MSL2: variants seen among roughly 807,000 people sequenced by gnomAD.
MSL2 encodes the protein MSL complex subunit 2.
Under a neutral mutation model 35.8 loss-of-function variants are expected in MSL2, and 2 were observed. That is an observed-to-expected ratio of 0.06 (90% CI 0.02 to 0.18). The LOEUF (loss-of-function observed/expected upper bound fraction) is 0.18. MSL2 is among the 10% of genes least tolerant of loss of function. MSL2 has a pLI of 1.00. For missense variants in MSL2, 523 were observed against 706.7 expected (o/e 0.74, Z 2.95); for synonymous variants, 296 against 255.7 (o/e 1.16, Z -1.50).
At chr3:136,157,352 C>G (rs890232650) in intron 1 of MSL2, among the ~76,000 whole-genome samples, 1 of 152,078 alleles carries the variant, frequency 6.6e-6, no homozygotes, top group African/African-American at 2.4e-5. Context: ...ACTAAAAATA[C>G]AAAAATTATC....
At chr3:136,156,720 T>C (rs1322620429) in intron 1 of MSL2, among the ~76,000 whole-genome samples, 1 of 152,102 alleles carries the variant, frequency 6.6e-6, no homozygotes, top group African/African-American at 2.4e-5. Context: ...CCGGGCGTGG[T>C]GGCAGCCGCC....
At chr3:136,156,538 T>C (rs770534328) in intron 1 of MSL2, among the ~76,000 whole-genome samples, 8 of 152,166 alleles carry the variant, frequency 5.3e-5, no homozygotes, top group Non-Finnish European at 8.8e-5. Context: ...GAAAAAAAAT[T>C]ATGCCTCAAT....
chr3:136,179,352 T>C (rs1386413297), intron 1 of MSL2, among the ~76,000 whole-genome samples: 2 of 152,126 alleles, frequency 1.3e-5, no homozygotes, highest in Non-Finnish European at 1.5e-5. Flanking sequence ...ATCCTTAATG[T>C]TTTATTTTCT....
chr3:136,169,252 G>GGGGGGGGGGT (rs1939947347), intron 1 of MSL2, among the ~76,000 whole-genome samples: 1 of 35,012 alleles, frequency 2.9e-5, no homozygotes, highest in Non-Finnish European at 6.0e-5. Context: ...GGGGGGGGGG[G>GGGGGGGGGGT]TGCTTATTTT....
chr3:136,195,383 G>C lies in MSL2; in HGVS notation c.-270C>G, dbSNP rs1428831157. ...TTCGAGTTCGTCCGGAGCGACCACA[G>C]AGCGCAGAACGCGGCGGCTTGGGCG... On this transcript the variant is annotated 5_prime_UTR_variant, in exon 1 of 2. Coordinates refer to ENST00000309993, the MANE Select transcript of MSL2 (RefSeq NM_018133.4). 2.5e-6 allele frequency: 3 copies of C among 1,199,322 alleles called. No individual in the cohort carries two copies. The highest frequency in any genetic ancestry group is 9.6e-5 in the East Asian group (2 of 20,750). 74.3% of individuals were successfully genotyped at this position (1,199,322 alleles called of 1,614,324 possible). A position where few individuals can be genotyped will look rare whatever the true frequency, so the allele number is the denominator to read the frequency against.
intron 1 of MSL2, among the ~76,000 whole-genome samples, chr3:136,171,105 T>C (rs919357308): frequency 6.6e-6 from 1 of 152,218 alleles, no homozygotes; most frequent in Non-Finnish European, 1.5e-5. Context: ...TACCTGGGTA[T>C]GTCTCACAAA....
At chr3:136,184,206 G>A (rs1576373886) in intron 1 of MSL2, among the ~76,000 whole-genome samples, 1 of 152,270 alleles carries the variant, frequency 6.6e-6, no homozygotes, top group African/African-American at 2.4e-5. Flanking sequence ...TGAGGCAGGA[G>A]AATTGCTCGA....
chr3:136,166,832 C>T (rs1490572038), intron 1 of MSL2, among the ~76,000 whole-genome samples: 4 of 152,120 alleles, frequency 2.6e-5, no homozygotes, highest in Non-Finnish European at 5.9e-5. Flanking sequence ...ATAGTTGATC[C>T]CAGTTTTCAA....
At chr3:136,190,246 T>C (rs556404015) in intron 1 of MSL2, among the ~76,000 whole-genome samples, 164 of 152,258 alleles carry the variant, frequency 1.1e-3, no homozygotes, top group Non-Finnish European at 1.9e-3. Context: ...CTTTCTATCT[T>C]AGCATCTAGA....
chr3:136,170,301 C>T (rs1281639040), intron 1 of MSL2, among the ~76,000 whole-genome samples: 2 of 145,404 alleles, frequency 1.4e-5, no homozygotes, highest in Non-Finnish European at 3.0e-5. Flanking sequence ...TACAGTGAGC[C>T]GACATCACAC....
chr3:136,173,368 C>CA (rs1940083793), intron 1 of MSL2, among the ~76,000 whole-genome samples: 1 of 152,114 alleles, frequency 6.6e-6, no homozygotes, highest in African/African-American at 2.4e-5. Context: ...ACAGGTAATT[C>CA]AAGCTTAACA....
intron 1 of MSL2, among the ~76,000 whole-genome samples, chr3:136,177,857 A>T (rs1011317764): frequency 1.3e-5 from 2 of 152,196 alleles, no homozygotes; most frequent in African/African-American, 2.4e-5. Context: ...GTGAAGAAAA[A>T]GAACAGTTAA....
chr3:136,181,912 C>A (rs1317882610), intron 1 of MSL2, among the ~76,000 whole-genome samples: 1 of 138,906 alleles, frequency 7.2e-6, no homozygotes, highest in South Asian at 2.4e-4. Context: ...GAGTGAGACT[C>A]TGTCTCAAAA....
In MSL2 at chr3:136,150,556, A is replaced by C. The variant is rs1169616321; in HGVS notation, c.*591T>G. On this transcript the variant is annotated 3_prime_UTR_variant, in exon 2 of 2. Transcript: ENST00000309993. Reference sequence around the variant, plus strand: ...ATTTTACTTTTTAAAAAGATTTCTTAAACATTCTAATGAGGGGGAATTTTT... The same window carrying C: ...ATTTTACTTTTTAAAAAGATTTCTTCAACATTCTAATGAGGGGGAATTTTT... 2 of 152,740 alleles carry C rather than the reference A, an allele frequency of 1.3e-5. No individual in the cohort carries two copies. Among genetic ancestry groups the C allele is most frequent in the African/African-American group, 4.8e-5 (2 of 41,466 alleles). The allele number at this position is 152,740 out of a possible 1,614,324, so 9.5% of individuals were successfully genotyped here. A position where few individuals can be genotyped will look rare whatever the true frequency, so the allele number is the denominator to read the frequency against.
Position 136,160,739 on chromosome 3 carries a change from A to G in MSL2, c.143-8001T>C, listed in dbSNP as rs1939686421. 2.0e-5 allele frequency among the ~76,000 whole-genome samples: 3 copies of G among 151,794 alleles called. No individual in the cohort carries two copies. In the South Asian group the frequency reaches 6.2e-4, roughly 31 times the overall value. ...AAAAAAAAAAAATTCAAATCGGTAAAATGACAATATAATTTTAAAAGCAAA... is the reference window on the plus strand; with the variant it reads ...AAAAAAAAAAAATTCAAATCGGTAAGATGACAATATAATTTTAAAAGCAAA... On this transcript the variant is annotated intron_variant, in intron 1 of 1. Transcript: ENST00000309993.
intron 1 of MSL2, among the ~76,000 whole-genome samples, chr3:136,167,576 C>T (rs1441370761): frequency 6.6e-6 from 1 of 152,062 alleles, no homozygotes; most frequent in Non-Finnish European, 1.5e-5. Flanking sequence ...TTTACATAAA[C>T]CTTTTGTTTA....
At chr3:136,194,312 T>A (rs1559976574) in intron 1 of MSL2, 4 of 693,956 alleles carry the variant, frequency 5.8e-6, no homozygotes. Context: ...TAATTTTTTT[T>A]AACAAAAACA....
Position 136,152,083 on chromosome 3 carries a change from C to T in MSL2, c.798G>A (p.Leu266=). 2 of 1,614,136 alleles carry T rather than the reference C, an allele frequency of 1.2e-6. No homozygotes were observed. Among genetic ancestry groups the T allele is most frequent in the Non-Finnish European group, 1.7e-6 (2 of 1,180,024 alleles). Residue 266 remains leucine, a synonymous_variant, in exon 2 of 2, where the codon CTG becomes CTA. Coordinates refer to ENST00000309993, the MANE Select transcript of MSL2 (RefSeq NM_018133.4). ...FSEDIKPGDS[L]LLSVEEVLRS... ...GGAGTACTTCCTCAACACTCAGTAA[C>T]AGAGAGTCTCCAGGTTTTATATCTT...
At chr3:136,183,153 G>C (rs1392908610) in intron 1 of MSL2, among the ~76,000 whole-genome samples, 1 of 151,964 alleles carries the variant, frequency 6.6e-6, no homozygotes, top group Non-Finnish European at 1.5e-5. Flanking sequence ...AAATTAACCA[G>C]GCCAAGAAAG....
Sources: gnomAD v4.1 joint callset for allele counts (sites outside exome capture counted in the v4.1 genomes callset) on GRCh38, gnomAD v4.1.1 for gene constraint, MANE v1.5 for transcripts, NCBI Gene and HGNC (gene_info 2026-07-23, HGNC 2026-07-21) for gene names.